SLC24A2: variants seen among roughly 807,000 people sequenced by gnomAD.
SLC24A2 encodes the protein sodium/potassium/calcium exchanger 2.
In SLC24A2, 36 loss-of-function variants were observed where a neutral mutation model predicts 62.0. That is an observed-to-expected ratio of 0.58 (90% CI 0.44 to 0.77). The LOEUF (loss-of-function observed/expected upper bound fraction) is 0.77. Among genes scored for constraint, SLC24A2 ranks in the 30% least tolerant of loss-of-function variants. The pLI is 0.00. For synonymous variants in SLC24A2, 358 were observed against 294.0 expected (o/e 1.22, Z -2.23); for missense variants, 846 against 817.9 (o/e 1.03, Z -0.42).
the SLC24A2 span, among the ~76,000 whole-genome samples, chr9:20,287,981 A>G: frequency 6.6e-6 from 1 of 152,016 alleles, no homozygotes; most frequent in African/African-American, 2.4e-5. Context: ...GTATACAAAC[A>G]ATTTGATAAC....
At chr9:19,736,686 T>C (rs1160663028) in intron 2 of SLC24A2, among the ~76,000 whole-genome samples, 1 of 151,806 alleles carries the variant, frequency 6.6e-6, no homozygotes, top group African/African-American at 2.4e-5. Flanking sequence ...AAAATAAAAG[T>C]AAAAATAAAA....
intron 7 of SLC24A2, among the ~76,000 whole-genome samples, chr9:19,561,475 C>G (rs1034735871): frequency 1.4e-5 from 2 of 141,846 alleles, no homozygotes; most frequent in African/African-American, 5.3e-5. Flanking sequence ...TGCTCTGTTG[C>G]CCAGGCTGCA....
At chr9:20,263,420 TA>T in the SLC24A2 span, among the ~76,000 whole-genome samples, 1 of 152,140 alleles carries the variant, frequency 6.6e-6, no homozygotes, top group Non-Finnish European at 1.5e-5. Flanking sequence ...GGCTATTTTT[TA>T]AATTTTTTGT....
At chr9:19,981,091 T>C in the SLC24A2 span, among the ~76,000 whole-genome samples, 24 of 152,180 alleles carry the variant, frequency 1.6e-4, no homozygotes, top group Non-Finnish European at 3.1e-4. Flanking sequence ...GACAAACCAA[T>C]AAGAAAGATG....
chr9:19,547,858 AC>A (rs1363150412), intron 8 of SLC24A2, among the ~76,000 whole-genome samples: 2 of 151,762 alleles, frequency 1.3e-5, no homozygotes, highest in African/African-American at 2.4e-5. Context: ...GAGAGGAGAG[AC>A]AATGCAAGCA....
chr9:19,981,861 T>C, the SLC24A2 span, among the ~76,000 whole-genome samples: 2 of 152,164 alleles, frequency 1.3e-5, no homozygotes, highest in Non-Finnish European at 2.9e-5. Flanking sequence ...CCTACAACAA[T>C]TCACTTATGT....
chr9:20,132,800 T>C, the SLC24A2 span, among the ~76,000 whole-genome samples: 1 of 152,184 alleles, frequency 6.6e-6, no homozygotes, highest in Non-Finnish European at 1.5e-5. Flanking sequence ...AATTTATAAA[T>C]TTTGTTATTC....
At chr9:20,077,230 C>G in the SLC24A2 span, among the ~76,000 whole-genome samples, 1 of 151,810 alleles carries the variant, frequency 6.6e-6, no homozygotes, top group African/African-American at 2.4e-5. Flanking sequence ...ATATAGAACA[C>G]ACAGACTACT....
chr9:19,586,442 C>G (rs1328168886), intron 5 of SLC24A2, among the ~76,000 whole-genome samples: 1 of 152,094 alleles, frequency 6.6e-6, no homozygotes, highest in African/African-American at 2.4e-5. Flanking sequence ...TCTGTGCTTA[C>G]CTTCCTTTTT....
the SLC24A2 span, among the ~76,000 whole-genome samples, chr9:19,862,747 C>T: frequency 0.01 from 1,574 of 151,912 alleles, 26 homozygotes; most frequent in Non-Finnish European, 0.011. Flanking sequence ...TTTGTGCAAA[C>T]GGTGTTAAGT....
chr9:20,175,006 T>G, the SLC24A2 span, among the ~76,000 whole-genome samples: 1 of 110,482 alleles, frequency 9.1e-6, no homozygotes, highest in Non-Finnish European at 1.8e-5. Flanking sequence ...ATATATCAGT[T>G]TCTGAATTTT....
At chr9:19,966,911 CT>C in the SLC24A2 span, among the ~76,000 whole-genome samples, 1 of 152,022 alleles carries the variant, frequency 6.6e-6, no homozygotes, top group Non-Finnish European at 1.5e-5. Flanking sequence ...AATTTTAAGC[CT>C]TTTGATATTA....
the SLC24A2 span, among the ~76,000 whole-genome samples, chr9:20,142,308 G>A: frequency 6.6e-6 from 1 of 152,038 alleles, no homozygotes; most frequent in African/African-American, 2.4e-5. Flanking sequence ...TTGTACAAAT[G>A]TCTCTTCAAG....
At chr9:20,069,987 A>G in the SLC24A2 span, among the ~76,000 whole-genome samples, 1 of 152,202 alleles carries the variant, frequency 6.6e-6, no homozygotes, top group East Asian at 1.9e-4. Context: ...ACATGACCTT[A>G]TTATGCCACC....
At chr9:19,600,636 G>A (rs1339399968) in intron 4 of SLC24A2, among the ~76,000 whole-genome samples, 1 of 152,136 alleles carries the variant, frequency 6.6e-6, no homozygotes, top group Non-Finnish European at 1.5e-5. Flanking sequence ...CCCAGATTCT[G>A]CAACTTCTTA....
chr9:20,010,232 T>C, the SLC24A2 span, among the ~76,000 whole-genome samples: 2 of 152,028 alleles, frequency 1.3e-5, no homozygotes, highest in African/African-American at 4.8e-5. Flanking sequence ...AATCCCAGGC[T>C]AGACTAAATA....
intron 2 of SLC24A2, among the ~76,000 whole-genome samples, chr9:19,665,674 G>A (rs1819231389): frequency 6.6e-6 from 1 of 152,134 alleles, no homozygotes; most frequent in Non-Finnish European, 1.5e-5. Flanking sequence ...CACCCAGGCT[G>A]GAGTACAGTG....
At chr9:20,187,728 TGC>T in the SLC24A2 span, among the ~76,000 whole-genome samples, 4 of 152,222 alleles carry the variant, frequency 2.6e-5, no homozygotes, top group African/African-American at 9.7e-5. Context: ...TGCATTCCTT[TGC>T]ACCCACGACA....
the SLC24A2 span, among the ~76,000 whole-genome samples, chr9:20,105,109 A>G: frequency 6.6e-6 from 1 of 152,254 alleles, no homozygotes. Context: ...GAAGGCCATT[A>G]CATAATGGTA....
Sources: gnomAD v4.1 joint callset for allele counts (sites outside exome capture counted in the v4.1 genomes callset) on GRCh38, gnomAD v4.1.1 for gene constraint, MANE v1.5 for transcripts, NCBI Gene and HGNC (gene_info 2026-07-23, HGNC 2026-07-21) for gene names.